Variants in RBFOX3 observed in about 807,000 individuals in gnomAD.
The protein encoded by RBFOX3 is RNA binding protein fox-1 homolog 3.
In RBFOX3, 17 loss-of-function variants were observed where a neutral mutation model predicts 48.7. That is an observed-to-expected ratio of 0.35 (90% confidence interval 0.24 to 0.52). The LOEUF (loss-of-function observed/expected upper bound fraction) is 0.52. Among genes scored for constraint, RBFOX3 ranks in the 20% least tolerant of loss-of-function variants. RBFOX3 has a pLI of 0.94. For synonymous variants in RBFOX3, 212 were observed against 209.5 expected (o/e 1.01, Z -0.10); for missense variants, 382 against 497.5 (o/e 0.77, Z 2.21).
intron 4 of RBFOX3, among the ~76,000 whole-genome samples, chr17:79,150,014 A>ATGGGGGTTGAGGGTGGGGGGTGGGGG (rs1555716744): frequency 0.38 from 2,197 of 5,774 alleles, 652 homozygotes; most frequent in South Asian, 0.55. Flanking sequence ...GGGGATGGGG[A>ATGGGGGTTGAGGGTGGGGGGTGGGGG]TGGGGGTTGA....
intron 4 of RBFOX3, among the ~76,000 whole-genome samples, chr17:79,221,934 A>G (rs929881821): frequency 6.6e-6 from 1 of 152,168 alleles, no homozygotes; most frequent in Admixed American, 6.5e-5. Flanking sequence ...AGGGGTGCAG[A>G]GGGCAGAAAT....
chr17:79,314,366 G>A (rs145531680), intron 2 of RBFOX3, among the ~76,000 whole-genome samples: 54 of 152,094 alleles, frequency 3.6e-4, no homozygotes, highest in Middle Eastern at 3.4e-3. Flanking sequence ...TGGGCACAGT[G>A]AGAACGATCG....
chr17:79,499,190 A>G (rs573431793), intron 1 of RBFOX3, among the ~76,000 whole-genome samples: 1 of 150,944 alleles, frequency 6.6e-6, no homozygotes, highest in African/African-American at 2.4e-5. Flanking sequence ...TCACTCATCT[A>G]TTCATCCAAT....
chr17:79,092,955 A>AG lies in RBFOX3; in HGVS notation c.1077+1495dup, dbSNP rs756508900. On this transcript the variant is annotated intron_variant, in intron 14 of 14. Transcript: ENST00000693108. ...GCCTGGCCTCTCACTGTCCTTATGC[A>AG]GAGGGGGGGTCCCAGCTTGAGCCCC... 6.4e-3 allele frequency among the ~76,000 whole-genome samples: 865 copies of AG among 135,588 alleles called. 1 individual carries two copies. Among genetic ancestry groups the AG allele is most frequent in the South Asian group, 0.024 (101 of 4,212 alleles). 89.0% of individuals were successfully genotyped at this position (135,588 alleles called of 152,430 possible).
chr17:79,468,461 C>T (rs2076597944), intron 2 of RBFOX3, among the ~76,000 whole-genome samples: 1 of 151,768 alleles, frequency 6.6e-6, no homozygotes, highest in Non-Finnish European at 1.5e-5. Context: ...AATAGATCAA[C>T]AAATGAATGG....
chr17:79,186,636 G>A (rs1248258097), intron 4 of RBFOX3, among the ~76,000 whole-genome samples: 3 of 152,082 alleles, frequency 2.0e-5, no homozygotes, highest in South Asian at 2.1e-4. Flanking sequence ...GGGAGGCTGC[G>A]TGCTGGGAAG....
intron 1 of RBFOX3, among the ~76,000 whole-genome samples, chr17:79,547,714 C>T (rs1354248418): frequency 6.6e-6 from 1 of 152,230 alleles, no homozygotes; most frequent in Non-Finnish European, 1.5e-5. Flanking sequence ...CGTCCAGCAC[C>T]TGCGGAGACC....
At chr17:79,580,100 G>A (rs2093005346) in intron 1 of RBFOX3, among the ~76,000 whole-genome samples, 1 of 151,932 alleles carries the variant, frequency 6.6e-6, no homozygotes, top group Non-Finnish European at 1.5e-5. Flanking sequence ...TCATCTCTGA[G>A]AACTTGGCAT....
the RBFOX3 span, among the ~76,000 whole-genome samples, chr17:79,656,895 G>GGGAAGGAAGGAAGGAAGGAA: frequency 4.2e-4 from 49 of 116,390 alleles, no homozygotes; most frequent in African/African-American, 1.7e-3. Flanking sequence ...GAAGGAAGGA[G>GGGAAGGAAGGAAGGAAGGAA]GGAAGGAAGG....
In RBFOX3 at chr17:79,390,322, C is replaced by CT. The variant is rs2061223586; in HGVS notation, c.-174-82499dup. ...CCGGGGGGACTTCTTAGACTCCACT[C>CT]TGAGTTTGGCTTTGCCACGCTGTGG... On this transcript the variant is annotated intron_variant, in intron 2 of 14. Coordinates refer to ENST00000693108, the MANE Select transcript of RBFOX3 (RefSeq NM_001350451.2). This position sits in a 1 kb window ranked among gnomAD's most constrained non-coding sequence, Gnocchi z 4.2. Among the ~76,000 whole-genome samples the CT allele has an allele frequency of 6.6e-6, 1 of 152,336 alleles. No individual in the cohort carries two copies. Among genetic ancestry groups the CT allele is most frequent in the South Asian group, 2.1e-4 (1 of 4,830 alleles).
chr17:79,593,812 A>G (rs893608036), intron 1 of RBFOX3, among the ~76,000 whole-genome samples: 3 of 152,176 alleles, frequency 2.0e-5, no homozygotes, highest in Admixed American at 6.5e-5. Flanking sequence ...CAGCGGCCCA[A>G]CGTCTGTTCT....
At chr17:79,591,573 C>T (rs944903877) in intron 1 of RBFOX3, among the ~76,000 whole-genome samples, 1 of 152,206 alleles carries the variant, frequency 6.6e-6, no homozygotes, top group Non-Finnish European at 1.5e-5. Context: ...AACCCCCAGC[C>T]CATCCCCGTC....
intron 5 of RBFOX3, among the ~76,000 whole-genome samples, chr17:79,110,548 C>T (rs1477243985): frequency 6.6e-6 from 1 of 152,264 alleles, no homozygotes; most frequent in Non-Finnish European, 1.5e-5. Flanking sequence ...CCTTCCTCGA[C>T]AGCGCCGTCT....
chr17:79,116,193 C>T (rs2033905183), intron 4 of RBFOX3, among the ~76,000 whole-genome samples: 1 of 152,188 alleles, frequency 6.6e-6, no homozygotes. Context: ...ATTCACACAA[C>T]ACACAGAATG....
At chr17:79,193,451 C>G (rs989761871) in intron 4 of RBFOX3, among the ~76,000 whole-genome samples, 4 of 152,170 alleles carry the variant, frequency 2.6e-5, no homozygotes, top group African/African-American at 9.7e-5. Context: ...CCTCCCCCCG[C>G]CAACCCCCTA....
chr17:79,573,842 G>A (rs1434774211), intron 1 of RBFOX3, among the ~76,000 whole-genome samples: 3 of 152,178 alleles, frequency 2.0e-5, no homozygotes, highest in Non-Finnish European at 4.4e-5. Flanking sequence ...GCAGAGCCAC[G>A]CGGGCACGTT....
intron 2 of RBFOX3, among the ~76,000 whole-genome samples, chr17:79,320,453 C>T (rs1464321396): frequency 6.6e-6 from 1 of 152,234 alleles, no homozygotes; most frequent in African/African-American, 2.4e-5. Context: ...TTCCTGCCTT[C>T]AGGCAGTAGC....
chr17:79,394,864 G>A (rs1568173843), intron 2 of RBFOX3, among the ~76,000 whole-genome samples: 1 of 152,354 alleles, frequency 6.6e-6, no homozygotes, highest in East Asian at 1.9e-4. Context: ...AGAGGGATAT[G>A]AGAAGAGCTA....
At chr17:79,447,948 A>G (rs2072670226) in intron 2 of RBFOX3, among the ~76,000 whole-genome samples, 2 of 152,140 alleles carry the variant, frequency 1.3e-5, no homozygotes, top group South Asian at 4.1e-4. Flanking sequence ...GTGAGTTTAC[A>G]CAAGACCCAG....
Sources: gnomAD v4.1 joint callset for allele counts (sites outside exome capture counted in the v4.1 genomes callset) on GRCh38, gnomAD v4.1.1 for gene constraint, Gnocchi (gnomAD v3.1) non-coding constraint, MANE v1.5 for transcripts, NCBI Gene and HGNC (gene_info 2026-07-23, HGNC 2026-07-21) for gene names.